Variants in PIK3C2G observed in about 807,000 individuals in gnomAD.
The protein encoded by PIK3C2G is phosphatidylinositol 3-kinase C2 domain-containing subunit gamma.
Under a neutral mutation model 181.1 loss-of-function variants are expected in PIK3C2G, and 168 were observed. The observed-to-expected ratio is 0.93, with a 90% CI of 0.82 to 1.05. The LOEUF (loss-of-function observed/expected upper bound fraction) is 1.05, where lower values mean the gene tolerates loss of function less well. Ranked by LOEUF, PIK3C2G falls within the 50% of genes least tolerant of loss-of-function variation. The pLI, the probability that PIK3C2G is intolerant of heterozygous loss-of-function variation, is 0.00. For missense variants in PIK3C2G, 1,869 were observed against 1,732.8 expected (o/e 1.08, Z -1.40); for synonymous variants, 573 against 592.2 (o/e 0.97, Z 0.47).
At chr12:18,256,320 T>C (rs1001338040) in intron 1 of PIK3C2G, among the ~76,000 whole-genome samples, 2 of 151,994 alleles carry the variant, frequency 1.3e-5, no homozygotes, top group Admixed American at 1.3e-4. Context: ...ATGGGCAAAT[T>C]ATCATACCCA....
intron 2 of PIK3C2G, among the ~76,000 whole-genome samples, chr12:18,283,200 A>G (rs928567164): frequency 1.3e-4 from 20 of 152,070 alleles, no homozygotes; most frequent in African/African-American, 4.6e-4. Flanking sequence ...ATGCCCCTTT[A>G]CCCAGAGTCT....
rs1942442697 is a variant in PIK3C2G at position 18,514,993 on chromosome 12, C to T, written c.3323+9532C>T. On this transcript the variant is annotated intron_variant, in intron 24 of 32. Transcript: ENST00000538779. ...AATACTTTTTCTATAACTCTTGAAG[C>T]AATTATATGATTTGTGTCCTTGATT... is the stretch of plus-strand genomic sequence containing the variant. 2.0e-5 allele frequency among the ~76,000 whole-genome samples: 3 copies of T among 151,830 alleles called. No homozygotes were observed. In the South Asian group the frequency reaches 6.2e-4, roughly 31 times the overall value.
At chr12:18,721,908 C>T in the PIK3C2G span, among the ~76,000 whole-genome samples, 2 of 152,118 alleles carry the variant, frequency 1.3e-5, no homozygotes, top group East Asian at 3.9e-4. Flanking sequence ...TTGCATGGCA[C>T]TGAGTCATGA....
rs139151811 is a variant in PIK3C2G at position 18,567,702 on chromosome 12, G to A, written c.4011+645G>A. Among the ~76,000 whole-genome samples, 520 of 152,046 alleles carry A rather than the reference G, an allele frequency of 3.4e-3. 2 individuals are homozygous for A. The highest frequency in any genetic ancestry group is 0.012 in the African/African-American group (482 of 41,478). On this transcript the variant is annotated intron_variant, in intron 29 of 32. Transcript: ENST00000538779. Reference sequence around the variant, plus strand: ...GATTAAACAGAGGTGGTCTGGGGAAGTGTCTCAACAATATAAGAAAATTTA... The same window carrying A: ...GATTAAACAGAGGTGGTCTGGGGAAATGTCTCAACAATATAAGAAAATTTA...
intron 18 of PIK3C2G, among the ~76,000 whole-genome samples, chr12:18,468,839 A>G (rs766814256): frequency 6.6e-6 from 1 of 152,118 alleles, no homozygotes; most frequent in African/African-American, 2.4e-5. Context: ...GCTGTGAAGA[A>G]GAGACTACAG....
chr12:18,490,947 T>A (rs1940510268), intron 19 of PIK3C2G, among the ~76,000 whole-genome samples: 1 of 152,206 alleles, frequency 6.6e-6, no homozygotes, highest in Admixed American at 6.5e-5. Flanking sequence ...TTCCTACATA[T>A]TATCATTTCT....
the PIK3C2G span, among the ~76,000 whole-genome samples, chr12:18,702,175 T>G: frequency 6.6e-6 from 1 of 152,062 alleles, no homozygotes; most frequent in Non-Finnish European, 1.5e-5. Flanking sequence ...TTAAAAAGTA[T>G]TAAATGAAAT....
At chr12:18,460,623 CATATATATATATATAT>C (rs144060852) in intron 18 of PIK3C2G, among the ~76,000 whole-genome samples, 1 of 136,136 alleles carries the variant, frequency 7.3e-6, no homozygotes, top group African/African-American at 2.7e-5. Flanking sequence ...ACATCATATT[CATATATATATATATAT>C]ATATATATAG....
the PIK3C2G span, chr12:18,688,004 G>A: frequency 3.9e-6 from 6 of 1,542,684 alleles, no homozygotes; most frequent in Non-Finnish European, 5.3e-6. Flanking sequence ...TAATAAATAT[G>A]TACAAAAACT....
the PIK3C2G span, among the ~76,000 whole-genome samples, chr12:18,691,734 T>G: frequency 1.3e-5 from 2 of 152,146 alleles, no homozygotes. Flanking sequence ...AGTTAATTCT[T>G]TGCCAGACCT....
intron 31 of PIK3C2G, among the ~76,000 whole-genome samples, chr12:18,631,457 A>G (rs1949347059): frequency 6.6e-6 from 1 of 152,164 alleles, no homozygotes; most frequent in Non-Finnish European, 1.5e-5. Context: ...CTCTATACAA[A>G]TGGATTTTCT....
chr12:18,344,253 C>G (rs1252033846), intron 10 of PIK3C2G, among the ~76,000 whole-genome samples: 1 of 152,014 alleles, frequency 6.6e-6, no homozygotes, highest in Non-Finnish European at 1.5e-5. Context: ...CCTAACCTGC[C>G]CTCCACACCC....
At chr12:18,517,689 T>C (rs1250507618) in intron 24 of PIK3C2G, among the ~76,000 whole-genome samples, 5 of 152,198 alleles carry the variant, frequency 3.3e-5, no homozygotes, top group Admixed American at 6.5e-5. Flanking sequence ...CAGAGACAAT[T>C]TGACTTCCTC....
intron 1 of PIK3C2G, among the ~76,000 whole-genome samples, chr12:18,272,185 C>T (rs1230917434): frequency 6.6e-6 from 1 of 152,008 alleles, no homozygotes; most frequent in Non-Finnish European, 1.5e-5. Context: ...TGTATTCCTG[C>T]TCCGTTTATT....
chr12:18,297,659 T>G (rs1470553649), intron 5 of PIK3C2G, among the ~76,000 whole-genome samples: 22 of 151,966 alleles, frequency 1.4e-4, no homozygotes, highest in Admixed American at 1.4e-3. Context: ...TGTTTATATG[T>G]ATTAACCCAC....
chr12:18,293,973 A>C lies in PIK3C2G; in HGVS notation c.992A>C (p.Asp331Ala), dbSNP rs1183945533. ...ACAAATGACCAGCTACTCCCCAAAG[A>C]TCATATTCTAAGTGTATGTGGCTCT... Reference protein sequence around the residue: ...FCTNDQLLPKDHILSVCGSEE... With the variant: ...FCTNDQLLPKAHILSVCGSEE... Residue 331 changes from aspartate (D) to alanine (A), a missense_variant, in exon 5 of 33, where the codon GAT becomes GCT. Coordinates refer to ENST00000538779, the MANE Select transcript of PIK3C2G (RefSeq NM_001288772.2). 6.3e-7 allele frequency: 1 copy of C among 1,598,880 alleles called. No individual in the cohort carries two copies. The highest frequency in any genetic ancestry group is 2.2e-5 in the East Asian group (1 of 44,716).
At chr12:18,436,579 T>C (rs913096743) in intron 18 of PIK3C2G, among the ~76,000 whole-genome samples, 10 of 152,030 alleles carry the variant, frequency 6.6e-5, no homozygotes, top group African/African-American at 2.2e-4. Flanking sequence ...GCACACAGTA[T>C]ACAATTCATT....
chr12:18,546,051 T>C (rs968501108), intron 25 of PIK3C2G, among the ~76,000 whole-genome samples: 2 of 151,898 alleles, frequency 1.3e-5, no homozygotes, highest in Admixed American at 6.6e-5. Context: ...ATTTCACTGG[T>C]TTATGATGAG....
At chr12:18,572,397 T>C (rs1592615872) in intron 29 of PIK3C2G, among the ~76,000 whole-genome samples, 1 of 148,282 alleles carries the variant, frequency 6.7e-6, no homozygotes, top group South Asian at 2.1e-4. Flanking sequence ...TAATAAAGCT[T>C]TATGTTATTA....
Sources: gnomAD v4.1 joint callset for allele counts (sites outside exome capture counted in the v4.1 genomes callset) on GRCh38, gnomAD v4.1.1 for gene constraint, MANE v1.5 for transcripts, NCBI Gene and HGNC (gene_info 2026-07-23, HGNC 2026-07-21) for gene names.